PIP5K1C: variants seen among roughly 807,000 people sequenced by gnomAD.
The protein encoded by PIP5K1C is phosphatidylinositol-4-phosphate 5-kinase type 1 gamma.
In PIP5K1C, 45 loss-of-function variants were observed where a neutral mutation model predicts 80.1. That is an observed-to-expected ratio of 0.56 (90% CI 0.44 to 0.72). The LOEUF is 0.72. PIP5K1C is among the 30% of genes least tolerant of loss of function. The pLI is 0.00. For missense variants in PIP5K1C, 753 were observed against 954.6 expected, an observed-to-expected ratio of 0.79 and a Z score of 2.78; for synonymous variants, 498 against 420.1, an observed-to-expected ratio of 1.19 and a Z score of -2.27.
intron 1 of PIP5K1C, among the ~76,000 whole-genome samples, chr19:3,695,607 T>C (rs901806882): frequency 1.3e-5 from 2 of 152,306 alleles, no homozygotes; most frequent in African/African-American, 2.4e-5. Flanking sequence ...TCACAGTGCC[T>C]GACCTGCATC....
At chr19:3,670,218 C>A (rs920256173) in intron 1 of PIP5K1C, among the ~76,000 whole-genome samples, 1 of 152,148 alleles carries the variant, frequency 6.6e-6, no homozygotes, top group African/African-American at 2.4e-5. Flanking sequence ...CCTGAGGGTG[C>A]GGGGTTGGAC....
intron 9 of PIP5K1C, among the ~76,000 whole-genome samples, chr19:3,647,738 G>C (rs1446198253): frequency 6.6e-6 from 1 of 152,202 alleles, no homozygotes; most frequent in African/African-American, 2.4e-5. Flanking sequence ...CCTGAGATCA[G>C]GAGTTCAAGA....
At chr19:3,689,223 A>G (rs150432907) in intron 1 of PIP5K1C, among the ~76,000 whole-genome samples, 1 of 152,084 alleles carries the variant, frequency 6.6e-6, no homozygotes, top group Non-Finnish European at 1.5e-5. Flanking sequence ...AAAAACGAAC[A>G]TACAACAAGG....
At chr19:3,672,498 A>C (rs2035239420) in intron 1 of PIP5K1C, 1 of 152,380 alleles carries the variant, frequency 6.6e-6, no homozygotes, top group Non-Finnish European at 1.5e-5. Context: ...TTCTCTGCAC[A>C]ACAGGCCTCC....
At chr19:3,667,056 C>A (rs2035036475) in intron 2 of PIP5K1C, among the ~76,000 whole-genome samples, 1 of 151,552 alleles carries the variant, frequency 6.6e-6, no homozygotes, top group Non-Finnish European at 1.5e-5. Context: ...GCCCTTCCTG[C>A]CCCTGCAGCC....
intron 6 of PIP5K1C, among the ~76,000 whole-genome samples, chr19:3,656,161 C>A (rs1285663458): frequency 2.0e-5 from 3 of 152,208 alleles, no homozygotes; most frequent in African/African-American, 7.2e-5. Context: ...CGGTGCCCAC[C>A]CAGCCCTGCC....
At chr19:3,660,862 G>C in intron 5 of PIP5K1C, 104 bp downstream of exon 5, 1 of 862,022 alleles carries the variant, frequency 1.2e-6, no homozygotes, top group Non-Finnish European at 2.0e-6. Context: ...CCCTACACGA[G>C]GAACCCAGGG....
chr19:3,639,139 C>G, intron 15 of PIP5K1C, 123 bp from the exon 16 acceptor site: 8 of 1,200,098 alleles, frequency 6.7e-6, no homozygotes, highest in Admixed American at 1.9e-5. Context: ...AGCCAGGCAG[C>G]TGACCACAGG....
chr19:3,690,864 G>A (rs1207362594), intron 1 of PIP5K1C, among the ~76,000 whole-genome samples: 1 of 152,174 alleles, frequency 6.6e-6, no homozygotes, highest in Non-Finnish European at 1.5e-5. Context: ...TTACAAGAAG[G>A]AACTGTGCAA....
Position 3,660,945 on chromosome 19 carries a change from C to CA in PIP5K1C, c.468+20_468+21insT, listed in dbSNP as rs1346002894. 1.9e-6 allele frequency: 3 copies of CA among 1,579,614 alleles called. No individual in the cohort carries two copies. The Admixed American group carries it at 5.0e-5, about 26-fold the overall frequency. On this transcript the variant is annotated intron_variant, in intron 5 of 17. Coordinates refer to ENST00000335312, the MANE Select transcript of PIP5K1C (RefSeq NM_012398.3). Reference sequence around the variant, plus strand: ...ATGTTCTGTTTCAAGCCTGGAAGCCCGTAACAGCAAATATGCTTACCAAGT... The same window carrying CA: ...ATGTTCTGTTTCAAGCCTGGAAGCCCAGTAACAGCAAATATGCTTACCAAGT...
intron 11 of PIP5K1C, among the ~76,000 whole-genome samples, chr19:3,644,529 T>C (rs1568317430): frequency 6.6e-6 from 1 of 152,164 alleles, no homozygotes; most frequent in Non-Finnish European, 1.5e-5. Flanking sequence ...TGCAGACCAG[T>C]GACTCCCATC....
chr19:3,675,335 C>A (rs1013626063), intron 1 of PIP5K1C, among the ~76,000 whole-genome samples: 5 of 152,172 alleles, frequency 3.3e-5, no homozygotes, highest in Non-Finnish European at 4.4e-5. Context: ...CTGGAACCTT[C>A]TCCAAACTCG....
chr19:3,636,324 G>A (rs143669226), intron 16 of PIP5K1C: 14,347 of 936,592 alleles, frequency 0.015, 147 homozygotes, highest in South Asian at 0.038. Flanking sequence ...AGAACCAAGG[G>A]CACAGCCTCT....
chr19:3,648,022 T>C lies in PIP5K1C; in HGVS notation c.1211+603A>G, dbSNP rs78518387. ...GGCCTCAAACCCACTCCTTGGATTT[T>C]CTTTTTTCTTTTTTTTTGGGACAGG... On this transcript the variant is annotated intron_variant, in intron 9 of 17. Transcript: ENST00000335312. This position sits in a 1 kb window ranked among gnomAD's most constrained non-coding sequence, Gnocchi z 4.3. 2.2e-5 allele frequency among the ~76,000 whole-genome samples: 3 copies of C among 133,952 alleles called. No homozygotes were observed. The highest frequency in any genetic ancestry group is 7.3e-5 in the Admixed American group (1 of 13,624). 87.9% of individuals were successfully genotyped at this position (133,952 alleles called of 152,430 possible).
intron 1 of PIP5K1C, among the ~76,000 whole-genome samples, chr19:3,697,001 G>C (rs2036132103): frequency 1.3e-5 from 2 of 152,002 alleles, no homozygotes; most frequent in South Asian, 4.2e-4. Context: ...GGACGGAGGA[G>C]GATCGAGCTG....
chr19:3,651,983 G>A lies in PIP5K1C; in HGVS notation c.970C>T (p.His324Tyr). ...IMDYSLLLGV[H>Y]NIDQHERERQ... ...TCGCGCTCGTGCTGGTCGATGTTGT[G>A]CACGCCCAGCAGCAGGCTGTAGTCC... The change falls in exon 8 of 18, where the codon CAC becomes TAC. Residue 324 changes from histidine to tyrosine, a missense_variant. Around this residue, in one of 6 missense-constraint regions of PIP5K1C, gnomAD observed 105 missense variants for 133.4 expected, o/e 0.79. Coordinates refer to ENST00000335312, the MANE Select transcript of PIP5K1C (RefSeq NM_012398.3). The A allele has an allele frequency of 6.2e-7, 1 of 1,613,186 alleles. No homozygotes were observed. Among genetic ancestry groups the A allele is most frequent in the Non-Finnish European group, 8.5e-7 (1 of 1,179,994 alleles).
chr19:3,676,838 C>A (rs777310852), intron 1 of PIP5K1C, among the ~76,000 whole-genome samples: 1 of 152,152 alleles, frequency 6.6e-6, no homozygotes, highest in Non-Finnish European at 1.5e-5. Flanking sequence ...TAAGACCAGG[C>A]GAGGTGGCTC....
chr19:3,664,627 C>T (rs566989931), intron 3 of PIP5K1C, among the ~76,000 whole-genome samples, 195 bp downstream of exon 3: 19 of 152,336 alleles, frequency 1.2e-4, no homozygotes, highest in African/African-American at 4.1e-4. Context: ...CCCGGCCGCC[C>T]GGCAAGGACA....
chr19:3,683,074 T>C (rs1183425402), intron 1 of PIP5K1C, among the ~76,000 whole-genome samples: 2 of 151,946 alleles, frequency 1.3e-5, no homozygotes, highest in Non-Finnish European at 2.9e-5. Flanking sequence ...CCCAACCTTG[T>C]TCAGGTCTAG....
Sources: gnomAD v4.1 joint callset for allele counts (sites outside exome capture counted in the v4.1 genomes callset) on GRCh38, gnomAD v4.1.1 for gene constraint, gnomAD v4.1.1 regional missense constraint, Gnocchi (gnomAD v3.1) non-coding constraint, MANE v1.5 for transcripts, NCBI Gene and HGNC (gene_info 2026-07-23, HGNC 2026-07-21) for gene names.